The following FBRSL1 variants were observed in gnomAD, a reference collection of about 807,000 sequenced individuals.
FBRSL1 encodes the protein fibrosin like 1.
A neutral mutation model predicts 89.6 loss-of-function variants in FBRSL1; 51 were observed. That is an observed-to-expected ratio of 0.57 (90% CI 0.45 to 0.72). The LOEUF (loss-of-function observed/expected upper bound fraction) is 0.72. FBRSL1 is among the 30% of genes least tolerant of loss of function. The pLI is 0.00. For synonymous variants in FBRSL1, 779 were observed against 681.1 expected (o/e 1.14, Z -2.24); for missense variants, 1,618 against 1,451.8 (o/e 1.11, Z -1.86).
At chr12:132,562,081 TTCTC>T (rs530462200) in intron 5 of FBRSL1, among the ~76,000 whole-genome samples, 217 of 152,322 alleles carry the variant, frequency 1.4e-3, no homozygotes, top group Non-Finnish European at 2.5e-3. Context: ...TTCCTCCTGT[TTCTC>T]TCGGAGTCCT....
At chr12:132,534,601 T>A (rs1375509535) in intron 4 of FBRSL1, among the ~76,000 whole-genome samples, 1 of 152,222 alleles carries the variant, frequency 6.6e-6, no homozygotes, top group East Asian at 1.9e-4. Context: ...ATCTCCTGTT[T>A]TGTGGGTCAG....
chr12:132,581,645 A>G (rs1456225321), intron 16 of FBRSL1, 96 bp from the exon 17 acceptor site: 6 of 1,486,344 alleles, frequency 4.0e-6, no homozygotes, highest in Non-Finnish European at 5.5e-6. Context: ...GGCAGTACCC[A>G]CCAGGCCCAA....
At chr12:132,578,366 C>CACACACACACACACACACAAAA (rs1257586074) in intron 15 of FBRSL1, among the ~76,000 whole-genome samples, 4 of 151,938 alleles carry the variant, frequency 2.6e-5, no homozygotes, top group African/African-American at 9.7e-5. Flanking sequence ...CACACACACA[C>CACACACACACACACACACAAAA]AAAATCATAG....
chr12:132,539,652 T>C (rs1426141292), intron 4 of FBRSL1, among the ~76,000 whole-genome samples: 14 of 48,992 alleles, frequency 2.9e-4, no homozygotes, highest in Admixed American at 5.0e-4. Context: ...CATGCCTACC[T>C]AGTCCTGCCG....
At chr12:132,575,306 C>A (rs1020090059) in intron 14 of FBRSL1, among the ~76,000 whole-genome samples, 2 of 152,206 alleles carry the variant, frequency 1.3e-5, no homozygotes, top group African/African-American at 2.4e-5. Flanking sequence ...CGGCTCACTG[C>A]AAGCTCCGCC....
chr12:132,514,776 C>G (rs2034684724), intron 2 of FBRSL1, among the ~76,000 whole-genome samples: 1 of 152,106 alleles, frequency 6.6e-6, no homozygotes, highest in Non-Finnish European at 1.5e-5. Flanking sequence ...TAGGGCAGCA[C>G]TGTTTAATAG....
intron 2 of FBRSL1, among the ~76,000 whole-genome samples, chr12:132,524,796 C>G (rs1159141072): frequency 6.6e-6 from 1 of 152,334 alleles, no homozygotes; most frequent in Non-Finnish European, 1.5e-5. Flanking sequence ...AGCAGGAGCT[C>G]TGGCCTCTCA....
Position 132,569,916 on chromosome 12 carries a change from C to G in FBRSL1, c.692-10C>G, listed in dbSNP as rs2039890771. The G allele has an allele frequency of 1.4e-6, 2 of 1,384,336 alleles. No individual in the cohort carries two copies. Among genetic ancestry groups the G allele is most frequent in the Non-Finnish European group, 1.9e-6 (2 of 1,074,360 alleles). 85.8% of individuals were successfully genotyped at this position (1,384,336 alleles called of 1,614,324 possible). A position where few individuals can be genotyped will look rare whatever the true frequency, so the allele number is the denominator to read the frequency against. The stretch of plus-strand genomic sequence containing the variant: ...CTGCTGGTCTGAACGCAGCCACCCT[C>G]TCTCTGCAGGCCCAGCGCTTGAGAA... On this transcript the variant is annotated splice_polypyrimidine_tract_variant and intron_variant, in intron 6 of 18. Coordinates refer to ENST00000680143, the MANE Select transcript of FBRSL1 (RefSeq NM_001367871.1).
chr12:132,541,634 G>A (rs970232223), intron 4 of FBRSL1, among the ~76,000 whole-genome samples: 6 of 152,246 alleles, frequency 3.9e-5, no homozygotes, highest in South Asian at 2.1e-4. Flanking sequence ...CTTTCCAATC[G>A]TGAGACATTT....
At chr12:132,525,141 G>A (rs1002293400) in intron 2 of FBRSL1, among the ~76,000 whole-genome samples, 4 of 152,202 alleles carry the variant, frequency 2.6e-5, no homozygotes, top group East Asian at 1.9e-4. Flanking sequence ...CGGGGAGGCC[G>A]AGCAGTGGCC....
chr12:132,547,051 T>TC (rs2037747564), intron 4 of FBRSL1, among the ~76,000 whole-genome samples: 2 of 152,310 alleles, frequency 1.3e-5, no homozygotes, highest in South Asian at 4.1e-4. Context: ...CGTGAATGCC[T>TC]CATAATTGCA....
At chr12:132,514,084 C>T (rs1370087659) in intron 2 of FBRSL1, among the ~76,000 whole-genome samples, 1 of 152,238 alleles carries the variant, frequency 6.6e-6, no homozygotes, top group Non-Finnish European at 1.5e-5. Context: ...CATTCGGGAT[C>T]CTTGTCTGGG....
intron 1 of FBRSL1, among the ~76,000 whole-genome samples, chr12:132,496,771 C>T (rs1320636276): frequency 6.6e-6 from 1 of 152,244 alleles, no homozygotes; most frequent in Non-Finnish European, 1.5e-5. Context: ...CATCTCTGGT[C>T]CAGCATCAGG....
chr12:132,502,971 C>T (rs1023494749), intron 1 of FBRSL1, among the ~76,000 whole-genome samples: 4 of 151,706 alleles, frequency 2.6e-5, no homozygotes, highest in African/African-American at 7.3e-5. Flanking sequence ...TCCATGACAC[C>T]GTCACCAATG....
chr12:132,513,445 G>C (rs558593216), intron 2 of FBRSL1, among the ~76,000 whole-genome samples: 2 of 152,138 alleles, frequency 1.3e-5, no homozygotes, highest in African/African-American at 4.8e-5. Context: ...GGGGATCTGG[G>C]GGAGGCTGCC....
intron 18 of FBRSL1, 63 bp downstream of exon 18, chr12:132,582,329 C>G: frequency 7.1e-7 from 1 of 1,405,592 alleles, no homozygotes; most frequent in Non-Finnish European, 9.7e-7. Flanking sequence ...TCCCCCCTCC[C>G]GTCATCCCCG....
chr12:132,499,926 G>A lies in FBRSL1; in HGVS notation c.292-8227G>A, dbSNP rs1016145561. 1.3e-5 allele frequency among the ~76,000 whole-genome samples: 2 copies of A among 152,140 alleles called. No homozygotes were observed. Among genetic ancestry groups the A allele is most frequent in the Non-Finnish European group, 2.9e-5 (2 of 68,014 alleles). On this transcript the variant is annotated intron_variant, in intron 1 of 18. Transcript: ENST00000680143. This position sits in a 1 kb window ranked among gnomAD's most constrained non-coding sequence, Gnocchi z 4.3. Reference sequence around the variant, plus strand: ...GGTTTGTGAGCTGGCCTGTGGGGTGGATGGGGTTCCCCAGAGCTGTGCTGG... The same window carrying A: ...GGTTTGTGAGCTGGCCTGTGGGGTGAATGGGGTTCCCCAGAGCTGTGCTGG...
intron 4 of FBRSL1, among the ~76,000 whole-genome samples, chr12:132,530,733 T>G (rs1042979886): frequency 0.025 from 241 of 9,576 alleles, no homozygotes; most frequent in East Asian, 0.051. Context: ...GGCTGGGGGG[T>G]GGGGGGAGGG....
At chr12:132,578,201 C>G (rs567617859) in intron 15 of FBRSL1, among the ~76,000 whole-genome samples, 18 of 152,304 alleles carry the variant, frequency 1.2e-4, no homozygotes, top group African/African-American at 4.1e-4. Context: ...AGACCATGAC[C>G]AGGCGTGGTG....
Sources: gnomAD v4.1 joint callset for allele counts (sites outside exome capture counted in the v4.1 genomes callset) on GRCh38, gnomAD v4.1.1 for gene constraint, Gnocchi (gnomAD v3.1) non-coding constraint, MANE v1.5 for transcripts, NCBI Gene and HGNC (gene_info 2026-07-23, HGNC 2026-07-21) for gene names.